The following KCNT2 variants were observed in gnomAD, a reference collection of about 807,000 sequenced individuals.
KCNT2 encodes potassium sodium-activated channel subfamily T member 2, also known as potassium channel subfamily T member 2.
Under a neutral mutation model 153.8 loss-of-function variants are expected in KCNT2, and 67 were observed. That is an observed-to-expected ratio of 0.44 (90% confidence interval 0.36 to 0.53). The LOEUF (loss-of-function observed/expected upper bound fraction) is 0.53, where lower values mean the gene tolerates loss of function less well. Among genes scored for constraint, KCNT2 ranks in the 20% least tolerant of loss-of-function variants. KCNT2 has a pLI of 0.00. For synonymous variants in KCNT2, 500 were observed against 458.8 expected (o/e 1.09, Z -1.15); for missense variants, 975 against 1,354.8 (o/e 0.72, Z 4.40).
intron 18 of KCNT2, among the ~76,000 whole-genome samples, 196 bp from the exon 19 acceptor site, chr1:196,327,085 G>A (rs1309696561): frequency 6.6e-6 from 1 of 152,048 alleles, no homozygotes; most frequent in Admixed American, 6.6e-5. Flanking sequence ...CATGGACAAG[G>A]AAAATGAATT....
intron 27 of KCNT2, among the ~76,000 whole-genome samples, chr1:196,229,671 G>GAAATT (rs1653780564): frequency 6.6e-6 from 1 of 151,994 alleles, no homozygotes; most frequent in Non-Finnish European, 1.5e-5. Flanking sequence ...GAATGCAAAG[G>GAAATT]AAAAGTTCCT....
At chr1:196,532,968 A>T (rs1655137495) in intron 1 of KCNT2, among the ~76,000 whole-genome samples, 1 of 152,088 alleles carries the variant, frequency 6.6e-6, no homozygotes, top group South Asian at 2.1e-4. Context: ...CCTTCTAAAG[A>T]AAAGCAGCAG....
intron 4 of KCNT2, among the ~76,000 whole-genome samples, chr1:196,479,590 A>T (rs1158286469): frequency 1.3e-5 from 2 of 152,134 alleles, no homozygotes; most frequent in Admixed American, 6.5e-5. Flanking sequence ...AATTTTTTTT[A>T]AATAGAAATG....
chr1:196,455,875 C>T (rs529768334), intron 8 of KCNT2, among the ~76,000 whole-genome samples: 4 of 152,148 alleles, frequency 2.6e-5, no homozygotes, highest in African/African-American at 9.6e-5. Context: ...TCTCAAATTT[C>T]CCACTTTCAG....
intron 12 of KCNT2, among the ~76,000 whole-genome samples, chr1:196,407,422 A>C (rs1226333388): frequency 6.6e-6 from 1 of 151,530 alleles, no homozygotes; most frequent in Non-Finnish European, 1.5e-5. Context: ...GTATCTTTTC[A>C]AGTTTAAAAT....
intron 12 of KCNT2, among the ~76,000 whole-genome samples, chr1:196,410,723 A>C (rs925327829): frequency 1.3e-5 from 2 of 151,090 alleles, no homozygotes; most frequent in Non-Finnish European, 3.0e-5. Context: ...AAAAAAAAAA[A>C]AACTTGTCTA....
intron 8 of KCNT2, among the ~76,000 whole-genome samples, chr1:196,434,407 A>G (rs762460614): frequency 1.3e-5 from 2 of 151,994 alleles, no homozygotes; most frequent in Non-Finnish European, 2.9e-5. Flanking sequence ...ATTCAAATAT[A>G]TATTTTCTAG....
intron 4 of KCNT2, among the ~76,000 whole-genome samples, chr1:196,481,216 T>C (rs74372404): frequency 0.017 from 2,618 of 152,264 alleles, 79 homozygotes; most frequent in African/African-American, 0.059. Context: ...AAGTAATTCA[T>C]TATCACATAC....
chr1:196,387,993 C>T (rs1670148490), intron 13 of KCNT2, among the ~76,000 whole-genome samples: 2 of 150,026 alleles, frequency 1.3e-5, no homozygotes, highest in Non-Finnish European at 3.0e-5. Context: ...ATATTTGCTA[C>T]TCAAGTCTGT....
At chr1:196,282,994 G>A (rs796133945) in intron 23 of KCNT2, among the ~76,000 whole-genome samples, 22 of 152,248 alleles carry the variant, frequency 1.4e-4, no homozygotes, top group African/African-American at 3.8e-4. Flanking sequence ...ACAGGCATGC[G>A]CCATGGCGCC....
chr1:196,299,113 C>A (rs1162335897), intron 22 of KCNT2, among the ~76,000 whole-genome samples: 4 of 151,826 alleles, frequency 2.6e-5, no homozygotes, highest in African/African-American at 7.3e-5. Context: ...TACATCAAAG[C>A]AAGAGAAAAG....
intron 25 of KCNT2, among the ~76,000 whole-genome samples, chr1:196,263,958 G>A (rs1342434640): frequency 6.6e-6 from 1 of 151,924 alleles, no homozygotes; most frequent in Admixed American, 6.6e-5. Flanking sequence ...ATGTGTGTGT[G>A]TGTTTAATTC....
intron 20 of KCNT2, chr1:196,317,351 C>T (rs1384415554): frequency 2.6e-6 from 1 of 378,854 alleles, no homozygotes; most frequent in African/African-American, 2.1e-5. Flanking sequence ...CTATGATGAC[C>T]TTCAAGTTTA....
chr1:196,274,481 A>G (rs1380410296), intron 25 of KCNT2, among the ~76,000 whole-genome samples: 1 of 151,760 alleles, frequency 6.6e-6, no homozygotes, highest in African/African-American at 2.4e-5. Context: ...GAATAATAGC[A>G]AAGAATGGAC....
intron 1 of KCNT2, among the ~76,000 whole-genome samples, chr1:196,502,165 G>A (rs537972270): frequency 2.7e-4 from 41 of 152,220 alleles, no homozygotes; most frequent in African/African-American, 9.4e-4. Context: ...CTTCCAATGA[G>A]TTTCCACCTG....
In KCNT2 at chr1:196,342,223, CCTT is replaced by C; in HGVS notation, c.1406_1408del (p.Glu469del). The C allele has an allele frequency of 6.2e-7, 1 of 1,610,814 alleles. No homozygotes were observed. Among genetic ancestry groups the C allele is most frequent in the Non-Finnish European group, 8.5e-7 (1 of 1,178,652 alleles). On this transcript the variant is annotated inframe_deletion and splice_region_variant, in exon 15 of 28. Transcript: ENST00000294725. ...CTGCCATTGTTCTGGCGATTGCTGGCCTTCTCTGCAACACAGGCACACACACAT... is the reference window on the plus strand; with the variant it reads ...CTGCCATTGTTCTGGCGATTGCTGGCCTCTGCAACACAGGCACACACACAT...
chr1:196,263,212 G>C (rs1167288972), intron 25 of KCNT2, among the ~76,000 whole-genome samples: 1 of 150,268 alleles, frequency 6.7e-6, no homozygotes, highest in Non-Finnish European at 1.5e-5. Flanking sequence ...TCTGGGGTAC[G>C]TGTGCAGAAC....
At position 196,548,792 on chromosome 1, in the gene KCNT2, T is replaced by A. The variant is rs180939131; in HGVS notation, c.96-56451A>T. Among the ~76,000 whole-genome samples the A allele has an allele frequency of 2.6e-5, 4 of 152,236 alleles. No homozygotes were observed. In the East Asian group the frequency reaches 7.7e-4, roughly 29 times the overall value. On this transcript the variant is annotated intron_variant, in intron 1 of 27. Transcript: ENST00000294725. ...AATGATAGACTGGATTAAGAAAATG[T>A]GGCACATATACACCATGGAATACTA... is the stretch of plus-strand genomic sequence containing the variant.
At chr1:196,295,178 C>T (rs897533383) in intron 22 of KCNT2, among the ~76,000 whole-genome samples, 1 of 151,324 alleles carries the variant, frequency 6.6e-6, no homozygotes, top group Non-Finnish European at 1.5e-5. Flanking sequence ...AAATGTCACA[C>T]TGTACCCAAT....
Sources: gnomAD v4.1 joint callset for allele counts (sites outside exome capture counted in the v4.1 genomes callset) on GRCh38, gnomAD v4.1.1 for gene constraint, MANE v1.5 for transcripts, NCBI Gene and HGNC (gene_info 2026-07-23, HGNC 2026-07-21) for gene names.